The following ABCA10 variants were observed in gnomAD, a reference collection of about 807,000 sequenced individuals.
ABCA10 encodes ATP-binding cassette sub-family A member 10.
ABCA10 carries 169 observed loss-of-function variants against 187.5 expected under a neutral mutation model. The observed-to-expected ratio is 0.90, with a 90% CI of 0.80 to 1.02. ABCA10 has a LOEUF of 1.02. Ranked by LOEUF, ABCA10 falls within the 50% of genes least tolerant of loss-of-function variation. The pLI is 0.00. For synonymous variants in ABCA10, 574 were observed against 601.8 expected, an observed-to-expected ratio of 0.95 and a Z score of 0.68; for missense variants, 1,727 against 1,812.4, an observed-to-expected ratio of 0.95 and a Z score of 0.86.
At chr17:69,237,703 A>C (rs1214552918) in intron 1 of ABCA10, among the ~76,000 whole-genome samples, 1 of 152,200 alleles carries the variant, frequency 6.6e-6, no homozygotes, top group African/African-American at 2.4e-5. Flanking sequence ...CTGTATTTAG[A>C]AAAAAGATCT....
intron 6 of ABCA10, among the ~76,000 whole-genome samples, chr17:69,217,225 C>T (rs1212718775): frequency 6.8e-6 from 1 of 147,682 alleles, no homozygotes; most frequent in Non-Finnish European, 1.5e-5. Flanking sequence ...CCAGCCTGGG[C>T]AACAAGAGCG....
chr17:69,209,177 TTAAAG>T (rs2074615929), intron 9 of ABCA10, among the ~76,000 whole-genome samples: 1 of 152,348 alleles, frequency 6.6e-6, no homozygotes, highest in Non-Finnish European at 1.5e-5. Context: ...AAAAATAACA[TTAAAG>T]TAATTTTTTA....
chr17:69,225,634 C>G (rs1396648773), intron 2 of ABCA10, 105 bp from the exon 3 acceptor site: 1 of 366,542 alleles, frequency 2.7e-6, no homozygotes, highest in Non-Finnish European at 4.9e-6. Flanking sequence ...TTGAGCATGA[C>G]TTCATTTCAG....
intron 22 of ABCA10, among the ~76,000 whole-genome samples, chr17:69,179,210 A>C (rs55966728): frequency 0.1 from 14,115 of 139,316 alleles, 2,273 homozygotes; most frequent in African/African-American, 0.34. Context: ...CAAAACAAAC[A>C]AAAAAAAAAC....
At chr17:69,183,764 G>T (rs1390250185) in intron 20 of ABCA10, among the ~76,000 whole-genome samples, 1 of 152,108 alleles carries the variant, frequency 6.6e-6, no homozygotes, top group East Asian at 1.9e-4. Context: ...CTTGGGGAGG[G>T]CTGCCAGTGG....
intron 9 of ABCA10, among the ~76,000 whole-genome samples, chr17:69,212,899 A>T (rs1760209924): frequency 6.6e-6 from 1 of 152,202 alleles, no homozygotes; most frequent in Admixed American, 6.5e-5. Context: ...ATTTTTATTC[A>T]TTCTGCTATT....
At chr17:69,199,104 G>A (rs2074525634) in intron 10 of ABCA10, among the ~76,000 whole-genome samples, 1 of 152,104 alleles carries the variant, frequency 6.6e-6, no homozygotes, top group African/African-American at 2.4e-5. Context: ...TCCCCTGTGT[G>A]GAAGGACCTT....
At chr17:69,206,825 C>T (rs994810893) in intron 9 of ABCA10, among the ~76,000 whole-genome samples, 7 of 151,952 alleles carry the variant, frequency 4.6e-5, no homozygotes, top group African/African-American at 7.3e-5. Context: ...TAGAAGGAAA[C>T]GGGGGAGAGG....
Position 69,153,942 on chromosome 17 carries a change from T to C in ABCA10, c.3854A>G (p.Tyr1285Cys). Residue 1285 changes from tyrosine (Y) to cysteine (C), a missense_variant, in exon 32 of 39, where the codon TAC (tyrosine) becomes TGC (cysteine). Tyr to Cys is a radical substitution (Grantham distance 194). Transcript: ENST00000690296. ...CCACAGTGAGTTCTCCTGAGGGCAG[T>C]ACCCCAAGAACTTGAGGCTGTTGTC... ...QHDNSLKFLG[Y>C]CPQENSLWPK... is the part of the protein sequence containing the mutation. The C allele has an allele frequency of 6.2e-7, 1 of 1,614,108 alleles. No homozygotes were observed. The highest frequency in any genetic ancestry group is 8.5e-7 in the Non-Finnish European group (1 of 1,179,992).
At chr17:69,204,325 T>C (rs753204616) in intron 9 of ABCA10, among the ~76,000 whole-genome samples, 1 of 152,132 alleles carries the variant, frequency 6.6e-6, no homozygotes. Flanking sequence ...TGTTGTCAAA[T>C]AGGAAAGGAT....
intron 18 of ABCA10, among the ~76,000 whole-genome samples, chr17:69,189,192 C>CT (rs1279914751): frequency 6.6e-6 from 1 of 152,116 alleles, no homozygotes; most frequent in African/African-American, 2.4e-5. Context: ...TCATCAGCAT[C>CT]TGTTATTTTT....
chr17:69,236,459 GCAGA>G (rs932381958), intron 1 of ABCA10, among the ~76,000 whole-genome samples: 7 of 152,306 alleles, frequency 4.6e-5, no homozygotes, highest in East Asian at 3.9e-4. Context: ...GAATAAGTCT[GCAGA>G]CAGAGTCTAT....
chr17:69,235,511 A>G (rs1390418600), intron 1 of ABCA10, among the ~76,000 whole-genome samples: 2 of 152,188 alleles, frequency 1.3e-5, no homozygotes, highest in African/African-American at 4.8e-5. Flanking sequence ...CTGGCTCAGA[A>G]GAGTTCTGCT....
intron 16 of ABCA10, among the ~76,000 whole-genome samples, chr17:69,191,544 A>C (rs2074460080): frequency 6.6e-6 from 1 of 152,226 alleles, no homozygotes; most frequent in Admixed American, 6.5e-5. Context: ...TATAGTACAT[A>C]TCAACACCAA....
At chr17:69,195,586 C>CATTCTTGG (rs2074493563) in intron 11 of ABCA10, among the ~76,000 whole-genome samples, 1 of 42,580 alleles carries the variant, frequency 2.3e-5, no homozygotes, top group East Asian at 4.5e-4. Context: ...ATTTATTGAT[C>CATTCTTGG]ATTCTTGGGT....
rs57446974 is a variant in ABCA10 at position 69,243,743 on chromosome 17, C to T, written c.-593+786G>A. ...CAAAACCCCATCTCTACAAAAAATACGAAAATTAGCTGAGTGCAGTGGTGC... is the reference window on the plus strand; with the variant it reads ...CAAAACCCCATCTCTACAAAAAATATGAAAATTAGCTGAGTGCAGTGGTGC... On this transcript the variant is annotated intron_variant, in intron 1 of 39. Coordinates refer to the ABCA10 transcript ENST00000269081. Among the ~76,000 whole-genome samples the T allele has an allele frequency of 3.1e-3, 478 of 152,120 alleles. 2 individuals carry two copies. The highest frequency in any genetic ancestry group is 0.01 in the African/African-American group (431 of 41,512).
chr17:69,189,197 ATTTT>A (rs1218013764), intron 18 of ABCA10, among the ~76,000 whole-genome samples: 1 of 151,854 alleles, frequency 6.6e-6, no homozygotes, highest in African/African-American at 2.4e-5. Flanking sequence ...AGCATCTGTT[ATTTT>A]TTTACTTTTT....
Position 69,194,470 on chromosome 17 carries a change from T to C in ABCA10, c.1260A>G (p.Gly420=). The C allele has an allele frequency of 5.0e-6, 8 of 1,610,264 alleles. No individual in the cohort carries two copies. The highest frequency in any genetic ancestry group is 1.1e-5 in the South Asian group (1 of 90,104). Residue 420 remains glycine, a synonymous_variant, in exon 12 of 39, where the codon GGA becomes GGG. Coordinates refer to ENST00000690296, the MANE Select transcript of ABCA10 (RefSeq NM_001377321.1). ...TATGCCCAAGTATTGCAGTGATCTGTCCTTCATATATGTCAAAAAATATGC... is the reference window on the plus strand; with the variant it reads ...TATGCCCAAGTATTGCAGTGATCTGCCCTTCATATATGTCAAAAAATATGC... ...LQGIFFDIYE[G]QITAILGHNG...
intron 27 of ABCA10, among the ~76,000 whole-genome samples, chr17:69,158,267 A>G (rs910858555): frequency 3.3e-5 from 5 of 152,062 alleles, no homozygotes; most frequent in Non-Finnish European, 5.9e-5. Flanking sequence ...AAGCAAGAAT[A>G]TATAATGCAG....
Sources: allele counts gnomAD v4.1 joint callset (sites outside exome capture counted in the v4.1 genomes callset), GRCh38; gene constraint gnomAD v4.1.1; transcripts MANE v1.5; gene names NCBI Gene and HGNC (gene_info 2026-07-23, HGNC 2026-07-21).